KCNQ5: variants seen among roughly 807,000 people sequenced by gnomAD.
KCNQ5 encodes the protein potassium voltage-gated channel subfamily KQT member 5.
KCNQ5 carries 30 observed loss-of-function variants against 98.2 expected under a neutral mutation model. The ratio of observed to expected loss-of-function variants is 0.31; its 90% confidence interval spans 0.23 to 0.41. The LOEUF (loss-of-function observed/expected upper bound fraction) is 0.41, where lower values mean the gene tolerates loss of function less well. Among genes scored for constraint, KCNQ5 ranks in the 10% least tolerant of loss-of-function variants. KCNQ5 has a pLI of 1.00. For missense variants in KCNQ5, 835 were observed against 1,182.5 expected (o/e 0.71, Z 4.31); for synonymous variants, 458 against 449.4 (o/e 1.02, Z -0.24).
At chr6:73,132,550 CA>C (rs1225825837) in intron 9 of KCNQ5, among the ~76,000 whole-genome samples, 1 of 152,212 alleles carries the variant, frequency 6.6e-6, no homozygotes, top group Non-Finnish European at 1.5e-5. Context: ...CCTAGCACAT[CA>C]TAGCATATCT....
intron 1 of KCNQ5, among the ~76,000 whole-genome samples, chr6:72,997,119 A>T (rs951010513): frequency 6.6e-6 from 1 of 152,148 alleles, no homozygotes; most frequent in African/African-American, 2.4e-5. Context: ...TGGATGCTGG[A>T]GGGGTTTAGA....
At chr6:72,996,659 G>C (rs1769315663) in intron 1 of KCNQ5, among the ~76,000 whole-genome samples, 1 of 152,148 alleles carries the variant, frequency 6.6e-6, no homozygotes, top group African/African-American at 2.4e-5. Context: ...TGCTGTAGCT[G>C]GGCAGTATCC....
chr6:72,915,974 C>T (rs1377295596), intron 1 of KCNQ5, among the ~76,000 whole-genome samples: 1 of 152,184 alleles, frequency 6.6e-6, no homozygotes, highest in Non-Finnish European at 1.5e-5. Flanking sequence ...CAAGCAGAGC[C>T]TCACACATGA....
chr6:72,756,621 G>A (rs1258261256), intron 1 of KCNQ5, among the ~76,000 whole-genome samples: 2 of 152,074 alleles, frequency 1.3e-5, no homozygotes, highest in Admixed American at 6.6e-5. Flanking sequence ...TTTTCAAAAA[G>A]CAGCAACAGA....
At chr6:73,042,162 A>T in intron 3 of KCNQ5, 100 bp downstream of exon 3, 1 of 1,400,394 alleles carries the variant, frequency 7.1e-7, no homozygotes, top group South Asian at 1.2e-5. Flanking sequence ...GCTAACATCC[A>T]TGGAGTACTT....
chr6:72,659,000 T>G (rs1174381555), intron 1 of KCNQ5, among the ~76,000 whole-genome samples: 1 of 152,218 alleles, frequency 6.6e-6, no homozygotes, highest in Non-Finnish European at 1.5e-5. Context: ...ATTTCCAAAG[T>G]GTGCTATACA....
intron 1 of KCNQ5, among the ~76,000 whole-genome samples, chr6:72,669,835 C>G (rs577090944): frequency 4.5e-4 from 68 of 151,768 alleles, no homozygotes; most frequent in African/African-American, 1.6e-3. Flanking sequence ...CACCTATGCT[C>G]TCTATCAAGC....
At chr6:72,997,266 G>A (rs1255729123) in intron 1 of KCNQ5, among the ~76,000 whole-genome samples, 5 of 152,036 alleles carry the variant, frequency 3.3e-5, no homozygotes, top group South Asian at 2.1e-4. Flanking sequence ...GTCTGTCTAC[G>A]CGGAGTCCAC....
At chr6:72,924,092 T>A (rs1266997264) in intron 1 of KCNQ5, among the ~76,000 whole-genome samples, 1 of 152,208 alleles carries the variant, frequency 6.6e-6, no homozygotes, top group African/African-American at 2.4e-5. Context: ...ATAGTATTGT[T>A]CATTTTGATT....
At chr6:73,089,209 A>G (rs996109187) in intron 5 of KCNQ5, among the ~76,000 whole-genome samples, 3 of 152,204 alleles carry the variant, frequency 2.0e-5, no homozygotes, top group Non-Finnish European at 4.4e-5. Flanking sequence ...TTTACTTTCT[A>G]GTTGGGAAGG....
chr6:72,704,493 A>G (rs1768977124), intron 1 of KCNQ5, among the ~76,000 whole-genome samples: 1 of 152,124 alleles, frequency 6.6e-6, no homozygotes, highest in South Asian at 2.1e-4. Context: ...AGGCAACTGC[A>G]GTAATGGCTG....
intron 9 of KCNQ5, among the ~76,000 whole-genome samples, chr6:73,128,096 A>T (rs1776064765): frequency 6.6e-6 from 1 of 152,170 alleles, no homozygotes. Flanking sequence ...AATACAAGCC[A>T]TTAATCTGAA....
intron 1 of KCNQ5, among the ~76,000 whole-genome samples, chr6:72,866,674 T>TAGTCAACTA (rs1344236212): frequency 3.9e-5 from 6 of 152,212 alleles, no homozygotes; most frequent in Non-Finnish European, 7.3e-5. Context: ...AAACCACACT[T>TAGTCAACTA]AAGTCAAACC....
In KCNQ5 at chr6:73,021,162, G is replaced by A. The variant is rs190371012; in HGVS notation, c.489+17164G>A. 4.6e-5 allele frequency among the ~76,000 whole-genome samples: 7 copies of A among 152,240 alleles called. No individual in the cohort carries two copies. In the East Asian group the frequency reaches 1.4e-3, roughly 29 times the overall value. ...ACATTCCCTACCCTTGTGTTCTGGGGTTCAACACAGCTCAGAGGGAATGGT... is the reference window on the plus strand; with the variant it reads ...ACATTCCCTACCCTTGTGTTCTGGGATTCAACACAGCTCAGAGGGAATGGT... On this transcript the variant is annotated intron_variant, in intron 2 of 13. Coordinates refer to ENST00000370398, the MANE Select transcript of KCNQ5 (RefSeq NM_019842.4).
chr6:73,171,521 G>A (rs1778015828), intron 11 of KCNQ5, among the ~76,000 whole-genome samples: 2 of 152,140 alleles, frequency 1.3e-5, no homozygotes, highest in African/African-American at 4.8e-5. Context: ...TGTCCAATAT[G>A]ATAACCACTG....
At chr6:73,155,366 C>A (rs1324313722) in intron 10 of KCNQ5, among the ~76,000 whole-genome samples, 2 of 152,178 alleles carry the variant, frequency 1.3e-5, no homozygotes, top group Non-Finnish European at 1.5e-5. Context: ...ATCTGCCCAC[C>A]ACAAATTCAG....
chr6:72,994,992 G>A (rs749528279), intron 1 of KCNQ5, among the ~76,000 whole-genome samples: 3 of 152,086 alleles, frequency 2.0e-5, no homozygotes, highest in Non-Finnish European at 2.9e-5. Flanking sequence ...GAGTAAAATA[G>A]GAGGCCCTGG....
At chr6:73,072,128 T>C (rs1172953309) in intron 3 of KCNQ5, among the ~76,000 whole-genome samples, 1 of 151,950 alleles carries the variant, frequency 6.6e-6, no homozygotes, top group African/African-American at 2.4e-5. Context: ...GGGAAAGAGG[T>C]AAATTTATGT....
At chr6:73,173,230 T>C (rs961180626) in intron 11 of KCNQ5, among the ~76,000 whole-genome samples, 4 of 152,224 alleles carry the variant, frequency 2.6e-5, no homozygotes, top group Non-Finnish European at 5.9e-5. Context: ...GTGCTGGAAA[T>C]GTGTTTTCAA....
Sources: allele counts gnomAD v4.1 joint callset (sites outside exome capture counted in the v4.1 genomes callset), GRCh38; gene constraint gnomAD v4.1.1; transcripts MANE v1.5; gene names NCBI Gene and HGNC (gene_info 2026-07-23, HGNC 2026-07-21).